The following SLCO3A1 variants were observed in gnomAD, a reference collection of about 807,000 sequenced individuals.
The protein encoded by SLCO3A1 is PGE1 transporter.
SLCO3A1 carries 27 observed loss-of-function variants against 63.1 expected under a neutral mutation model. The observed-to-expected ratio is 0.43, with a 90% CI of 0.32 to 0.59. The LOEUF is 0.59. Among genes scored for constraint, SLCO3A1 ranks in the 20% least tolerant of loss-of-function variants. The pLI is 0.09. For missense variants in SLCO3A1, 773 were observed against 945.8 expected (o/e 0.82, Z 2.40); for synonymous variants, 473 against 409.9 (o/e 1.15, Z -1.86).
At position 91,894,611 on chromosome 15, in the gene SLCO3A1, C is replaced by T. The variant is rs1266194519; in HGVS notation, c.181-21382C>T. Among the ~76,000 whole-genome samples, 1 of 152,156 alleles carries T rather than the reference C, an allele frequency of 6.6e-6. No homozygotes were observed. Among genetic ancestry groups the T allele is most frequent in the Non-Finnish European group, 1.5e-5 (1 of 68,038 alleles). The stretch of plus-strand genomic sequence containing the variant: ...ATGGAGTGGACAGTGGGGCTGAAGA[C>T]CCGTGTAGCCCGAGGCAGCATTTTT... On this transcript the variant is annotated intron_variant, in intron 1 of 9. Coordinates refer to ENST00000318445, the MANE Select transcript of SLCO3A1 (RefSeq NM_013272.4). This position sits in a 1 kb window ranked among gnomAD's most constrained non-coding sequence, Gnocchi z 4.8.
rs566961729 is a variant in SLCO3A1 at position 92,150,594 on chromosome 15, C to T, written c.1689-356C>T. On this transcript the variant is annotated intron_variant, in intron 8 of 9. Coordinates refer to ENST00000318445, the MANE Select transcript of SLCO3A1 (RefSeq NM_013272.4). ...ATTTTCTCGGTTGATGTTTTCCCCC[C>T]CATACGTGTACCCCACCCACTTAAG... is the stretch of plus-strand genomic sequence containing the variant. Among the ~76,000 whole-genome samples, 663 of 152,040 alleles carry T rather than the reference C, an allele frequency of 4.4e-3. 4 individuals carry two copies. Among genetic ancestry groups the T allele is most frequent in the African/African-American group, 0.015 (627 of 41,472 alleles).
chr15:91,972,947 C>T (rs1263692041), intron 2 of SLCO3A1, among the ~76,000 whole-genome samples: 2 of 152,160 alleles, frequency 1.3e-5, no homozygotes, highest in Non-Finnish European at 2.9e-5. Flanking sequence ...ATAGTGAAGC[C>T]CCGTCTCTAC....
chr15:91,930,914 C>G (rs980578310), intron 2 of SLCO3A1, among the ~76,000 whole-genome samples: 1 of 152,174 alleles, frequency 6.6e-6, no homozygotes, highest in African/African-American at 2.4e-5. Context: ...TTGCTCCTCA[C>G]AATATTCTCA....
chr15:91,925,525 G>A (rs146586399), intron 2 of SLCO3A1, among the ~76,000 whole-genome samples: 2 of 150,718 alleles, frequency 1.3e-5, no homozygotes, highest in African/African-American at 2.4e-5. Flanking sequence ...ATCTTAGGTG[G>A]TTGCTGTGGG....
intron 10 of SLCO3A1, chr15:92,171,451 G>T: frequency 4.3e-6 from 1 of 235,104 alleles, no homozygotes. Context: ...CACAAGGTCT[G>T]TCACTAGTAA....
chr15:92,079,108 C>T (rs576454536), intron 2 of SLCO3A1, among the ~76,000 whole-genome samples: 9 of 152,330 alleles, frequency 5.9e-5, no homozygotes, highest in South Asian at 2.1e-4. Flanking sequence ...GTTTTCCACC[C>T]GGCCAGTCCT....
At chr15:92,146,384 A>C (rs1198751158) in intron 7 of SLCO3A1, among the ~76,000 whole-genome samples, 1 of 152,202 alleles carries the variant, frequency 6.6e-6, no homozygotes, top group Non-Finnish European at 1.5e-5. Context: ...TCTGCTCCCC[A>C]CGAGCTGCTC....
chr15:91,854,952 C>T lies in SLCO3A1; in HGVS notation c.180+864C>T, dbSNP rs770048491. ...GGTACCTACTTTGTCGCTTTCGCCTCCTCTGCTCAGGTGGTCGCAACTTGA... is the reference window on the plus strand; with the variant it reads ...GGTACCTACTTTGTCGCTTTCGCCTTCTCTGCTCAGGTGGTCGCAACTTGA... On this transcript the variant is annotated intron_variant, in intron 1 of 9. Transcript: ENST00000318445. This position sits in a 1 kb window ranked among gnomAD's most constrained non-coding sequence, Gnocchi z 6.4. 6.6e-6 allele frequency among the ~76,000 whole-genome samples: 1 copy of T among 152,150 alleles called. No individual in the cohort carries two copies. The highest frequency in any genetic ancestry group is 1.5e-5 in the Non-Finnish European group (1 of 68,020).
rs540792034 is a variant in SLCO3A1, at chr15:92,089,470, T to G, written c.647-5411T>G. ...TGATATCATGTGATAGATTTGTGTT[T>G]GTTGCCATTCTTCAAACTCCACAAG... On this transcript the variant is annotated intron_variant, in intron 2 of 9. Coordinates refer to ENST00000318445, the MANE Select transcript of SLCO3A1 (RefSeq NM_013272.4). 2.0e-5 allele frequency among the ~76,000 whole-genome samples: 3 copies of G among 152,348 alleles called. No individual in the cohort carries two copies. In the East Asian group the frequency reaches 5.8e-4, roughly 29 times the overall value.
intron 2 of SLCO3A1, among the ~76,000 whole-genome samples, chr15:92,004,152 G>T (rs2046287226): frequency 6.6e-6 from 1 of 152,174 alleles, no homozygotes; most frequent in Non-Finnish European, 1.5e-5. Flanking sequence ...ACATGCTCCA[G>T]TCTGTGCTAA....
chr15:92,007,435 G>A (rs974559461), intron 2 of SLCO3A1, among the ~76,000 whole-genome samples: 9 of 152,190 alleles, frequency 5.9e-5, no homozygotes, highest in Admixed American at 2.0e-4. Context: ...AGAAAAGGTC[G>A]GGGAGAGAAC....
intron 2 of SLCO3A1, among the ~76,000 whole-genome samples, chr15:92,026,331 A>G (rs933863894): frequency 1.3e-5 from 2 of 152,232 alleles, no homozygotes; most frequent in Non-Finnish European, 2.9e-5. Context: ...TTCCTTGTCT[A>G]ATGGACTGTT....
chr15:92,038,634 T>TC (rs2046756810), intron 2 of SLCO3A1, among the ~76,000 whole-genome samples: 1 of 152,270 alleles, frequency 6.6e-6, no homozygotes, highest in South Asian at 2.1e-4. Context: ...CATTCCATCC[T>TC]CCTGGATAGG....
intron 3 of SLCO3A1, among the ~76,000 whole-genome samples, chr15:92,096,544 C>G (rs184461247): frequency 6.6e-6 from 1 of 152,280 alleles, no homozygotes; most frequent in East Asian, 1.9e-4. Context: ...AGCCATATTT[C>G]CTTTCTCTCT....
chr15:91,909,009 C>T (rs552159319), intron 1 of SLCO3A1, among the ~76,000 whole-genome samples: 1 of 152,132 alleles, frequency 6.6e-6, no homozygotes, highest in Non-Finnish European at 1.5e-5. Context: ...TGCAGTGAGC[C>T]GAGGTCGCGC....
intron 2 of SLCO3A1, among the ~76,000 whole-genome samples, chr15:92,049,120 A>G (rs952955020): frequency 6.6e-6 from 1 of 152,172 alleles, no homozygotes; most frequent in East Asian, 1.9e-4. Flanking sequence ...GTTACAAGGA[A>G]AAGACACCCA....
At chr15:92,025,685 C>T (rs1393799535) in intron 2 of SLCO3A1, among the ~76,000 whole-genome samples, 1 of 152,330 alleles carries the variant, frequency 6.6e-6, no homozygotes, top group South Asian at 2.1e-4. Context: ...CAACCATTCC[C>T]GTAGCTGTCT....
rs1019123578 is a variant in SLCO3A1, at chr15:92,147,077, T to C, written c.1606T>C (p.Phe536Leu). The C allele has an allele frequency of 5.6e-6, 9 of 1,614,152 alleles. No homozygotes were observed. Among genetic ancestry groups the C allele is most frequent in the Non-Finnish European group, 7.6e-6 (9 of 1,180,008 alleles). Residue 536 changes from phenylalanine (F) to leucine (L), a missense_variant, in exon 8 of 10, where the codon TTC becomes CTC. Coordinates refer to ENST00000318445, the MANE Select transcript of SLCO3A1 (RefSeq NM_013272.4). ...CCCCAGTCCTGGGTGCCAAGAGGCC[T>C]TCCTCACTTTCCTCTGTGTGATGTG... is the stretch of plus-strand genomic sequence containing the variant. The part of the protein sequence containing the change: ...KCPSPGCQEA[F>L]LTFLCVMCIC...
intron 4 of SLCO3A1, among the ~76,000 whole-genome samples, chr15:92,107,521 TA>T (rs2047680364): frequency 6.6e-6 from 1 of 152,256 alleles, no homozygotes; most frequent in African/African-American, 2.4e-5. Context: ...TGCAGTGCTA[TA>T]TACATGCAGT....
Sources: allele counts gnomAD v4.1 joint callset (sites outside exome capture counted in the v4.1 genomes callset), GRCh38; gene constraint gnomAD v4.1.1; non-coding constraint Gnocchi (gnomAD v3.1); transcripts MANE v1.5; gene names NCBI Gene and HGNC (gene_info 2026-07-23, HGNC 2026-07-21).